Variants in PATJ observed in about 807,000 individuals in gnomAD.
PATJ encodes inaD-like protein.
In PATJ, 190 loss-of-function variants were observed where a neutral mutation model predicts 224.9. The observed-to-expected ratio is 0.84, with a 90% CI of 0.75 to 0.95. The LOEUF (loss-of-function observed/expected upper bound fraction) is 0.95. Among genes scored for constraint, PATJ ranks in the 40% least tolerant of loss-of-function variants. The pLI, the probability that PATJ is intolerant of heterozygous loss-of-function variation, is 0.00. For synonymous variants in PATJ, 769 were observed against 820.3 expected (o/e 0.94, Z 1.07); for missense variants, 2,121 against 2,270.3 (o/e 0.93, Z 1.34).
intron 33 of PATJ, among the ~76,000 whole-genome samples, chr1:62,102,633 A>C (rs1345937642): frequency 2.6e-5 from 4 of 152,006 alleles, no homozygotes; most frequent in Non-Finnish European, 5.9e-5. Flanking sequence ...TGAGAGGATC[A>C]CTTCAGCCCA....
chr1:61,815,358 T>G (rs1446916159), intron 14 of PATJ, among the ~76,000 whole-genome samples: 1 of 152,206 alleles, frequency 6.6e-6, no homozygotes, highest in East Asian at 1.9e-4. Context: ...GCCACTGTGA[T>G]ATGTATGGAC....
intron 33 of PATJ, among the ~76,000 whole-genome samples, chr1:62,091,727 G>A (rs746559924): frequency 2.0e-5 from 3 of 151,730 alleles, no homozygotes; most frequent in African/African-American, 4.8e-5. Context: ...GACCAGCCTC[G>A]GCAACATAGT....
Position 62,127,977 on chromosome 1 carries a change from C to T in PATJ, c.5049C>T (p.Leu1683=). ...EPRTVEINRE[L]SDALGISIAG... is the part of the protein sequence containing the mutation. ...ATGTTTTCTTCCTTTTTTAGGAGCT[C>T]AGTGATGCCCTTGGAATCAGTATTG... The change falls in exon 40 of 44, where the codon CTC becomes CTT. Residue 1683 remains leucine (L), a synonymous_variant. Transcript: ENST00000642238. 6.2e-7 allele frequency: 1 copy of T among 1,613,716 alleles called. No individual in the cohort carries two copies. Among genetic ancestry groups the T allele is most frequent in the Non-Finnish European group, 8.5e-7 (1 of 1,179,756 alleles).
At chr1:61,748,593 C>G (rs1645154787) in intron 1 of PATJ, among the ~76,000 whole-genome samples, 1 of 152,134 alleles carries the variant, frequency 6.6e-6, no homozygotes, top group Non-Finnish European at 1.5e-5. Flanking sequence ...TAGGTCCTCT[C>G]TATAACCTCC....
In PATJ at chr1:62,084,660, G is replaced by C. The variant is rs773750044; in HGVS notation, c.4377+12G>C. 6 of 1,611,584 alleles carry C rather than the reference G, an allele frequency of 3.7e-6. No individual in the cohort carries two copies. The highest frequency in any genetic ancestry group is 5.1e-6 in the Non-Finnish European group (6 of 1,179,110). Reference sequence around the variant, plus strand: ...AAGACACACCCTTGGTAAGTTTCTAGAAATAAAATGTATCCACTGTCATAG... The same window carrying C: ...AAGACACACCCTTGGTAAGTTTCTACAAATAAAATGTATCCACTGTCATAG... On this transcript the variant is annotated intron_variant, in intron 33 of 43. Coordinates refer to ENST00000642238, the MANE Select transcript of PATJ (RefSeq NM_001350145.3).
chr1:62,046,083 T>A (rs1030023239), intron 30 of PATJ, among the ~76,000 whole-genome samples: 2 of 151,996 alleles, frequency 1.3e-5, no homozygotes, highest in Non-Finnish European at 2.9e-5. Flanking sequence ...ATGCATGTAG[T>A]CCCAGCTACT....
chr1:61,978,740 GTT>G (rs1335634533), intron 27 of PATJ, among the ~76,000 whole-genome samples: 1 of 151,966 alleles, frequency 6.6e-6, no homozygotes, highest in Admixed American at 6.6e-5. Flanking sequence ...ATAGAAGAGT[GTT>G]TTTAAATGTT....
At chr1:61,977,020 A>C (rs1431923113) in intron 27 of PATJ, among the ~76,000 whole-genome samples, 1 of 152,072 alleles carries the variant, frequency 6.6e-6, no homozygotes, top group Non-Finnish European at 1.5e-5. Flanking sequence ...TGTCTCAAAA[A>C]ATATTCTTAC....
At chr1:61,860,910 C>T (rs762524790) in intron 18 of PATJ, among the ~76,000 whole-genome samples, 3 of 151,440 alleles carry the variant, frequency 2.0e-5, no homozygotes, top group East Asian at 1.9e-4. Flanking sequence ...CAGCCAGGGT[C>T]GAAATTTTGG....
intron 33 of PATJ, among the ~76,000 whole-genome samples, chr1:62,100,094 A>G (rs557867602): frequency 2.7e-4 from 40 of 148,208 alleles, no homozygotes; most frequent in Non-Finnish European, 5.5e-4. Context: ...GGGCTCAGTG[A>G]TAATTAAGTC....
intron 24 of PATJ, 21 bp downstream of exon 24, chr1:61,901,480 G>A: frequency 6.6e-7 from 1 of 1,508,402 alleles, no homozygotes; most frequent in Non-Finnish European, 9.0e-7. Context: ...TTAAAGTACT[G>A]TTTTTATTGG....
At chr1:61,856,523 C>T (rs1007385421) in intron 18 of PATJ, among the ~76,000 whole-genome samples, 2 of 152,204 alleles carry the variant, frequency 1.3e-5, no homozygotes, top group Admixed American at 1.3e-4. Flanking sequence ...ACTCTTACTA[C>T]TATTTTCATC....
At chr1:61,899,298 T>G (rs1175454086) in intron 22 of PATJ, among the ~76,000 whole-genome samples, 2 of 152,220 alleles carry the variant, frequency 1.3e-5, no homozygotes, top group African/African-American at 4.8e-5. Flanking sequence ...GAAACAAATT[T>G]GAAATTGCAC....
intron 14 of PATJ, among the ~76,000 whole-genome samples, chr1:61,814,547 TGCGCGCGC>T (rs1553168028): frequency 4.9e-5 from 7 of 142,492 alleles, no homozygotes; most frequent in Admixed American, 1.4e-4. Flanking sequence ...TGTGTGTGTG[TGCGCGCGC>T]GCGCGCATGT....
intron 3 of PATJ, among the ~76,000 whole-genome samples, chr1:61,764,843 C>T (rs1247493403): frequency 6.6e-6 from 1 of 152,024 alleles, no homozygotes; most frequent in Non-Finnish European, 1.5e-5. Flanking sequence ...CAGAATATCA[C>T]AATAGTGAAT....
intron 34 of PATJ, among the ~76,000 whole-genome samples, chr1:62,111,747 G>A (rs367921781): frequency 3.4e-5 from 5 of 147,998 alleles, no homozygotes; most frequent in African/African-American, 1.2e-4. Flanking sequence ...TGCAACCTCC[G>A]CCTCCCAGGT....
chr1:61,819,898 G>A (rs899062863), intron 14 of PATJ, among the ~76,000 whole-genome samples: 1 of 152,158 alleles, frequency 6.6e-6, no homozygotes, highest in Non-Finnish European at 1.5e-5. Context: ...CTGATAGAGA[G>A]TGTTCCTCTC....
chr1:62,072,687 A>C (rs1221056654), intron 31 of PATJ: 1 of 151,038 alleles, frequency 6.6e-6, no homozygotes, highest in African/African-American at 2.4e-5. Flanking sequence ...CAGTGAGATC[A>C]TGCCTGTGAA....
At chr1:62,091,096 TC>T (rs1660675153) in intron 33 of PATJ, among the ~76,000 whole-genome samples, 1 of 152,176 alleles carries the variant, frequency 6.6e-6, no homozygotes, top group Admixed American at 6.5e-5. Flanking sequence ...GCATTTTCCT[TC>T]CCTGAGATCC....
Sources: allele counts gnomAD v4.1 joint callset (sites outside exome capture counted in the v4.1 genomes callset), GRCh38; gene constraint gnomAD v4.1.1; transcripts MANE v1.5; gene names NCBI Gene and HGNC (gene_info 2026-07-23, HGNC 2026-07-21).